Variants in DPP6 observed in about 807,000 individuals in gnomAD.
DPP6 encodes the protein A-type potassium channel modulatory protein DPP6.
Under a neutral mutation model 122.6 loss-of-function variants are expected in DPP6, and 69 were observed. That is an observed-to-expected ratio of 0.56 (90% CI 0.46 to 0.69). The LOEUF (loss-of-function observed/expected upper bound fraction) is 0.69. Among genes scored for constraint, DPP6 ranks in the 30% least tolerant of loss-of-function variants. DPP6 has a pLI of 0.00. For missense variants in DPP6, 928 were observed against 1,116.9 expected, an observed-to-expected ratio of 0.83 and a Z score of 2.41; for synonymous variants, 418 against 433.1, an observed-to-expected ratio of 0.97 and a Z score of 0.43.
At chr7:154,244,936 G>A (rs914569375) in intron 1 of DPP6, among the ~76,000 whole-genome samples, 2 of 147,626 alleles carry the variant, frequency 1.4e-5, no homozygotes, top group African/African-American at 5.0e-5. Context: ...AGACATAACT[G>A]TATATCTAAA....
At chr7:154,204,962 A>G (rs1052978888) in intron 1 of DPP6, among the ~76,000 whole-genome samples, 1 of 152,200 alleles carries the variant, frequency 6.6e-6, no homozygotes, top group Non-Finnish European at 1.5e-5. Context: ...TGTCTGTCAC[A>G]GGCGTTAGAT....
intron 1 of DPP6, among the ~76,000 whole-genome samples, chr7:154,174,754 C>T (rs1797709589): frequency 6.6e-6 from 1 of 152,196 alleles, no homozygotes; most frequent in Non-Finnish European, 1.5e-5. Context: ...AAGCAAGTTG[C>T]TCATTTCCTG....
intron 16 of DPP6, among the ~76,000 whole-genome samples, chr7:154,823,476 C>T (rs1799936752): frequency 6.6e-6 from 1 of 152,190 alleles, no homozygotes; most frequent in Non-Finnish European, 1.5e-5. Flanking sequence ...ACCTTATTGG[C>T]AACTTTATAT....
chr7:154,156,005 A>G (rs1386327836), intron 1 of DPP6, among the ~76,000 whole-genome samples: 1 of 152,228 alleles, frequency 6.6e-6, no homozygotes, highest in Non-Finnish European at 1.5e-5. Flanking sequence ...CTAAGCTCCA[A>G]TGCCTGTGTG....
At chr7:154,388,811 C>T (rs1814353246) in intron 1 of DPP6, among the ~76,000 whole-genome samples, 1 of 152,130 alleles carries the variant, frequency 6.6e-6, no homozygotes. Context: ...AAGTAGATTT[C>T]AGGTGCAGAA....
chr7:154,844,802 T>C (rs1252711475), intron 16 of DPP6, among the ~76,000 whole-genome samples: 9 of 152,246 alleles, frequency 5.9e-5, no homozygotes, highest in Admixed American at 5.9e-4. Flanking sequence ...TTTCAACTTT[T>C]GTTTAGTGGC....
chr7:154,199,645 A>C (rs1306922654), intron 1 of DPP6, among the ~76,000 whole-genome samples: 4 of 149,680 alleles, frequency 2.7e-5, no homozygotes, highest in Admixed American at 6.7e-5. Context: ...AGTCTTGCTC[A>C]GTCACCAAGG....
At chr7:154,576,738 G>A (rs1412505846) in intron 5 of DPP6, among the ~76,000 whole-genome samples, 4 of 152,102 alleles carry the variant, frequency 2.6e-5, no homozygotes, top group Non-Finnish European at 4.4e-5. Flanking sequence ...GGAGGAGGCT[G>A]CTCACTATCT....
intron 1 of DPP6, among the ~76,000 whole-genome samples, chr7:154,218,436 T>C (rs1266327187): frequency 6.6e-6 from 1 of 152,188 alleles, no homozygotes; most frequent in Non-Finnish European, 1.5e-5. Flanking sequence ...CAGAGTTAGG[T>C]ACCCTGCACA....
At chr7:154,725,060 G>A (rs1011483333) in intron 7 of DPP6, among the ~76,000 whole-genome samples, 2 of 152,128 alleles carry the variant, frequency 1.3e-5, no homozygotes, top group African/African-American at 4.8e-5. Context: ...TCAGACCACT[G>A]TCCTGCTTAG....
At chr7:154,236,734 C>T (rs62484146) in intron 1 of DPP6, among the ~76,000 whole-genome samples, 74 of 152,210 alleles carry the variant, frequency 4.9e-4, no homozygotes, top group Admixed American at 2.9e-3. Context: ...GTTTCCCTGA[C>T]GTCGGTATTG....
At chr7:154,796,009 A>G in intron 12 of DPP6, 126 bp downstream of exon 12, 1 of 1,409,978 alleles carries the variant, frequency 7.1e-7, no homozygotes. Context: ...CCCAGGCAGA[A>G]ACAGACGGCG....
At chr7:154,105,147 A>G (rs1288129454) in intron 1 of DPP6, among the ~76,000 whole-genome samples, 1 of 152,234 alleles carries the variant, frequency 6.6e-6, no homozygotes, top group Admixed American at 6.5e-5. Context: ...CCAAAAAAAC[A>G]TAAGATCGAA....
intron 1 of DPP6, among the ~76,000 whole-genome samples, chr7:153,965,110 A>G (rs1439184868): frequency 6.6e-6 from 1 of 150,756 alleles, no homozygotes; most frequent in African/African-American, 2.5e-5. Flanking sequence ...GTTTCCTCAT[A>G]CAATACAGTG....
intron 1 of DPP6, among the ~76,000 whole-genome samples, chr7:153,898,814 AC>A (rs1799519188): frequency 6.6e-6 from 1 of 152,218 alleles, no homozygotes; most frequent in African/African-American, 2.4e-5. Context: ...CTCAGGTCTT[AC>A]CTGACTTACC....
chr7:153,775,197 T>A, the DPP6 span, among the ~76,000 whole-genome samples: 3 of 144,358 alleles, frequency 2.1e-5, no homozygotes, highest in South Asian at 7.1e-4. Flanking sequence ...GAGTAACACA[T>A]CACAACCAAG....
intron 5 of DPP6, among the ~76,000 whole-genome samples, chr7:154,585,279 G>A (rs150338144): frequency 6.6e-6 from 1 of 152,346 alleles, no homozygotes; most frequent in East Asian, 1.9e-4. Flanking sequence ...CGTTTTTGCT[G>A]TTTTGGTGAA....
intron 1 of DPP6, among the ~76,000 whole-genome samples, chr7:153,894,705 C>T (rs1335198281): frequency 6.6e-6 from 1 of 152,172 alleles, no homozygotes; most frequent in Non-Finnish European, 1.5e-5. Flanking sequence ...CACCCCTGGC[C>T]TAGAGATACC....
intron 1 of DPP6, among the ~76,000 whole-genome samples, chr7:153,924,371 G>A (rs780475348): frequency 1.3e-5 from 2 of 152,160 alleles, no homozygotes; most frequent in Non-Finnish European, 2.9e-5. Flanking sequence ...CCTCCCCAAA[G>A]TGCTGGGATT....
Sources: allele counts gnomAD v4.1 joint callset (sites outside exome capture counted in the v4.1 genomes callset), GRCh38; gene constraint gnomAD v4.1.1; transcripts MANE v1.5; gene names NCBI Gene and HGNC (gene_info 2026-07-23, HGNC 2026-07-21).